The following MYH11 variants were observed in gnomAD, a reference collection of about 807,000 sequenced individuals.
The protein encoded by MYH11 is myosin heavy chain 11, also known as myosin-11.
A neutral mutation model predicts 246.6 loss-of-function variants in MYH11; 80 were observed. The ratio of observed to expected loss-of-function variants is 0.32; its 90% CI spans 0.27 to 0.39. MYH11 has a LOEUF of 0.39. Among genes scored for constraint, MYH11 ranks in the 10% least tolerant of loss-of-function variants. The pLI is 1.00. For missense variants in MYH11, 2,158 were observed against 2,546.8 expected, an observed-to-expected ratio of 0.85 and a Z score of 3.29; for synonymous variants, 1,071 against 1,015.5, an observed-to-expected ratio of 1.05 and a Z score of -1.04.
intron 26 of MYH11, among the ~76,000 whole-genome samples, chr16:15,734,558 C>G (rs2041061175): frequency 6.6e-6 from 1 of 152,144 alleles, no homozygotes; most frequent in Admixed American, 6.6e-5. Context: ...TCTTTGGCCT[C>G]CCAAAGTGCT....
chr16:15,822,774 G>A (rs2043448421), intron 3 of MYH11, among the ~76,000 whole-genome samples: 1 of 152,148 alleles, frequency 6.6e-6, no homozygotes, highest in Non-Finnish European at 1.5e-5. Context: ...ATAGGCACAA[G>A]TCTTAAGTTT....
In MYH11 at chr16:15,760,618, T is replaced by G. The variant is rs1355157546; in HGVS notation, c.1170A>C (p.Thr390=). Residue 390 remains threonine, a synonymous_variant, in exon 11 of 41, where the codon ACA becomes ACC. Transcript: ENST00000300036. ...KVCHLMGINV[T]DFTRSILTPR... ...GAGTGAGGATGGATCTGGTGAAATC[T>G]GTCACATTAATTCCCATGAGGTGGC... 7 of 1,614,070 alleles carry G rather than the reference T, an allele frequency of 4.3e-6. No homozygotes were observed. The Admixed American group carries it at 6.7e-5, about 15-fold the overall frequency.
In MYH11 at chr16:15,785,008, A is replaced by ATTTT. The variant is rs398028825; in HGVS notation, c.633+1618_633+1621dup. 2.1e-3 allele frequency: 203 copies of ATTTT among 97,866 alleles called. 1 individual carries two copies. The highest frequency in any genetic ancestry group is 9.7e-3 in the South Asian group (36 of 3,706). 6.1% of individuals were successfully genotyped at this position (97,866 alleles called of 1,614,324 possible). ...ACACCAGGCCCAGCTAATTCTCTTG[A>ATTTT]TTTTTTTTTTTTTTTTTTTTTGGTA... On this transcript the variant is annotated intron_variant, in intron 5 of 40. Transcript: ENST00000300036.
In MYH11 at chr16:15,726,994, C is replaced by A. The variant is rs558332944; in HGVS notation, c.3712G>T (p.Gly1238Trp). 6.2e-7 allele frequency: 1 copy of A among 1,612,014 alleles called. No homozygotes were observed. The highest frequency in any genetic ancestry group is 1.1e-5 in the South Asian group (1 of 90,850). Residue 1238 changes from glycine to tryptophan, a missense_variant, in exon 28 of 41, where the codon GGG becomes TGG. Physicochemically the swap from Gly to Trp is radical, Grantham distance 184. This residue lies in a region of MYH11 where 1,013 missense variants were observed against 993.5 expected (regional missense o/e 1.02). Coordinates refer to ENST00000300036, the MANE Select transcript of MYH11 (RefSeq NM_002474.3). ...GCCTGGCCCAGGACCCGCAGCTCCC[C>A]GGCCAGGTCTGCGTTCTCTTTCTCC... ...TLEKENADLA[G>W]ELRVLGQAKQ...
intron 3 of MYH11, among the ~76,000 whole-genome samples, chr16:15,805,590 C>G (rs2042990704): frequency 6.6e-6 from 1 of 152,186 alleles, no homozygotes; most frequent in Non-Finnish European, 1.5e-5. Flanking sequence ...TCTACCCAGA[C>G]AGTGGGATAG....
intron 36 of MYH11, 24 bp from the exon 37 acceptor site, chr16:15,718,462 G>T (rs375779637): frequency 4.2e-5 from 65 of 1,542,838 alleles, no homozygotes; most frequent in Middle Eastern, 4.1e-4. Flanking sequence ...GGCCATGGTG[G>T]GGGCCTCTAC....
intron 35 of MYH11, 47 bp from the exon 36 acceptor site, chr16:15,719,355 C>G (rs1426281354): frequency 6.3e-7 from 1 of 1,585,174 alleles, no homozygotes; most frequent in Non-Finnish European, 8.6e-7. Context: ...AAAGGCCAAG[C>G]CCCACCAAGA....
chr16:15,767,192 GGATAGATGGAT>G (rs1353015117), intron 9 of MYH11, among the ~76,000 whole-genome samples: 2 of 152,030 alleles, frequency 1.3e-5, no homozygotes, highest in Non-Finnish European at 2.9e-5. Context: ...GATGAGTAGA[GGATAGATGGAT>G]GATAGAGGAT....
intron 25 of MYH11, among the ~76,000 whole-genome samples, chr16:15,735,861 C>A (rs909794495): frequency 1.3e-5 from 2 of 152,204 alleles, no homozygotes; most frequent in African/African-American, 4.8e-5. Flanking sequence ...AAGCATTGAC[C>A]CCAGACTGGC....
intron 5 of MYH11, among the ~76,000 whole-genome samples, chr16:15,784,118 T>C (rs1319186035): frequency 6.6e-6 from 1 of 151,868 alleles, no homozygotes; most frequent in African/African-American, 2.4e-5. Flanking sequence ...CATCGCGACC[T>C]CCAAGACTGT....
chr16:15,718,225 G>A, intron 37 of MYH11, 90 bp downstream of exon 37: 1 of 1,593,430 alleles, frequency 6.3e-7, no homozygotes, highest in Non-Finnish European at 8.5e-7. Flanking sequence ...CCTGCACACA[G>A]GAAGCCGCCA....
intron 1 of MYH11, among the ~76,000 whole-genome samples, chr16:15,852,175 T>C (rs2044346672): frequency 6.6e-6 from 1 of 152,060 alleles, no homozygotes; most frequent in South Asian, 2.1e-4. Flanking sequence ...CTTATGAGAA[T>C]CTAACCAATG....
At chr16:15,721,356 C>T (rs1596720593) in intron 32 of MYH11, 66 bp downstream of exon 32, 6 of 1,535,110 alleles carry the variant, frequency 3.9e-6, no homozygotes, top group Non-Finnish European at 5.4e-6. Context: ...CTCGCATGGA[C>T]TGGTGAATAG....
chr16:15,808,765 T>C (rs1338550989), intron 3 of MYH11, among the ~76,000 whole-genome samples: 1 of 152,150 alleles, frequency 6.6e-6, no homozygotes, highest in African/African-American at 2.4e-5. Context: ...CAGAGGTGTG[T>C]GCCTGTAGCC....
intron 14 of MYH11, among the ~76,000 whole-genome samples, chr16:15,754,417 A>C (rs1295978910): frequency 3.9e-5 from 6 of 152,198 alleles, no homozygotes; most frequent in Non-Finnish European, 8.8e-5. Flanking sequence ...AGGAACTGAT[A>C]ATACAGCTTT....
At chr16:15,758,407 T>C (rs1459902072) in intron 12 of MYH11, among the ~76,000 whole-genome samples, 1 of 152,070 alleles carries the variant, frequency 6.6e-6, no homozygotes, top group East Asian at 1.9e-4. Flanking sequence ...GTAGTGCTCA[T>C]GATTGTAATC....
At position 15,719,270 on chromosome 16, in the gene MYH11, G is replaced by T; in HGVS notation, c.5121C>A (p.Asp1707Glu). The T allele has an allele frequency of 1.2e-6, 2 of 1,613,174 alleles. No individual in the cohort carries two copies. The highest frequency in any genetic ancestry group is 1.7e-6 in the Non-Finnish European group (2 of 1,180,010). ...AAAERARKQADLEKEELAEEL... is the reference protein window; with the variant it reads ...AAAERARKQAELEKEELAEEL... ...CCTCTGCCAGTTCCTCCTTCTCGAG[G>T]TCCGCTTGTTTGCGAGCCCTCTCAG... Residue 1707 changes from aspartate (D) to glutamate (E), a missense_variant, in exon 36 of 41, where the codon GAC becomes GAA. Physicochemically the swap from Asp to Glu is conservative, Grantham distance 45. Transcript: ENST00000300036.
chr16:15,801,715 G>A lies in MYH11; in HGVS notation c.503-3028C>T, dbSNP rs569786906. ...CTCACACTTGTAATCCCAGCACTTCGGAAGGCTGAGGCGGGCAGATCACTT... is the reference window on the plus strand; with the variant it reads ...CTCACACTTGTAATCCCAGCACTTCAGAAGGCTGAGGCGGGCAGATCACTT... On this transcript the variant is annotated intron_variant, in intron 3 of 40. Transcript: ENST00000300036. Among the ~76,000 whole-genome samples the A allele has an allele frequency of 8.6e-5, 13 of 151,912 alleles. No individual in the cohort carries two copies. In the East Asian group the frequency reaches 2.1e-3, roughly 25 times the overall value.
chr16:15,820,934 G>T (rs183551694), intron 3 of MYH11, among the ~76,000 whole-genome samples: 1 of 152,244 alleles, frequency 6.6e-6, no homozygotes, highest in Non-Finnish European at 1.5e-5. Context: ...ATGCAGTGGC[G>T]TGATCTCGGC....
Sources: gnomAD v4.1 joint callset for allele counts (sites outside exome capture counted in the v4.1 genomes callset) on GRCh38, gnomAD v4.1.1 for gene constraint, gnomAD v4.1.1 regional missense constraint, MANE v1.5 for transcripts, NCBI Gene and HGNC (gene_info 2026-07-23, HGNC 2026-07-21) for gene names.